LRRC37A2: variants seen among roughly 807,000 people sequenced by gnomAD.
LRRC37A2 encodes the protein leucine-rich repeat-containing protein 37A2.
A neutral mutation model predicts 68.8 loss-of-function variants in LRRC37A2; 9 were observed. That is an observed-to-expected ratio of 0.13 (90% CI 0.08 to 0.23). The LOEUF (loss-of-function observed/expected upper bound fraction) is 0.23. Ranked by LOEUF, LRRC37A2 falls within the 10% of genes least tolerant of loss-of-function variation. LRRC37A2 has a pLI of 1.00. For synonymous variants in LRRC37A2, 63 were observed against 367.6 expected, an observed-to-expected ratio of 0.17 and a Z score of 9.48; for missense variants, 168 against 950.4, an observed-to-expected ratio of 0.18 and a Z score of 10.82.
the LRRC37A2 span, among the ~76,000 whole-genome samples, chr17:46,795,252 C>A: frequency 6.6e-6 from 1 of 152,192 alleles, no homozygotes; most frequent in Non-Finnish European, 1.5e-5. Context: ...CTACCCCACA[C>A]CAGCGCATTC....
downstream of LRRC37A2, among the ~76,000 whole-genome samples, chr17:46,558,387 G>A (rs2057401034): frequency 9.4e-6 from 1 of 106,790 alleles, no homozygotes; most frequent in South Asian, 2.9e-4. Context: ...TTTTTTTTGT[G>A]TTTTGTTTGT....
chr17:46,504,867 TTTA>T, the LRRC37A2 span, among the ~76,000 whole-genome samples: 2 of 123,966 alleles, frequency 1.6e-5, no homozygotes, highest in Non-Finnish European at 3.3e-5. Flanking sequence ...AATACATTGA[TTTA>T]TTAATTAATA....
At chr17:47,045,250 T>C in the LRRC37A2 span, among the ~76,000 whole-genome samples, 1 of 140,802 alleles carries the variant, frequency 7.1e-6, no homozygotes, top group Non-Finnish European at 1.6e-5. Flanking sequence ...AGACTTCTTG[T>C]ATCCATGAAA....
the LRRC37A2 span, among the ~76,000 whole-genome samples, chr17:46,742,196 T>C: frequency 1.3e-5 from 2 of 152,238 alleles, no homozygotes; most frequent in Non-Finnish European, 2.9e-5. Context: ...GAAGCATACA[T>C]GCCGTTCATT....
chr17:46,873,184 C>A, the LRRC37A2 span, among the ~76,000 whole-genome samples: 1 of 151,934 alleles, frequency 6.6e-6, no homozygotes. Flanking sequence ...ATTCCAGGCC[C>A]GATGACACGA....
At chr17:47,015,183 T>G in the LRRC37A2 span, among the ~76,000 whole-genome samples, 4 of 151,970 alleles carry the variant, frequency 2.6e-5, no homozygotes, top group African/African-American at 9.7e-5. Flanking sequence ...AATTTTTGTA[T>G]TTTTAGTAGA....
the LRRC37A2 span, chr17:46,979,133 G>T: frequency 9.5e-7 from 1 of 1,056,920 alleles, no homozygotes; most frequent in Non-Finnish European, 1.2e-6. Context: ...AGGGGACGAA[G>T]GCGGGAGGCT....
At chr17:46,962,476 G>A in the LRRC37A2 span, among the ~76,000 whole-genome samples, 1 of 152,208 alleles carries the variant, frequency 6.6e-6, no homozygotes, top group African/African-American at 2.4e-5. Flanking sequence ...TAAACAGGAT[G>A]TGGCAGAAGA....
the LRRC37A2 span, among the ~76,000 whole-genome samples, chr17:46,861,380 G>A: frequency 3.9e-5 from 6 of 152,124 alleles, no homozygotes; most frequent in South Asian, 2.1e-4. Context: ...GGTGGGCAGC[G>A]TCCTCTCCCT....
At chr17:46,973,474 G>A in the LRRC37A2 span, among the ~76,000 whole-genome samples, 4 of 152,078 alleles carry the variant, frequency 2.6e-5, no homozygotes, top group South Asian at 2.1e-4. Context: ...CTGTTGCTTC[G>A]TTGTTGAAAA....
At chr17:46,716,636 A>G in the LRRC37A2 span, among the ~76,000 whole-genome samples, 1 of 152,214 alleles carries the variant, frequency 6.6e-6, no homozygotes, top group Non-Finnish European at 1.5e-5. Context: ...ATAGAGTTTT[A>G]TAATTCTGGA....
the LRRC37A2 span, among the ~76,000 whole-genome samples, chr17:46,777,764 C>T: frequency 1.3e-5 from 2 of 152,210 alleles, no homozygotes; most frequent in African/African-American, 4.8e-5. Flanking sequence ...AGTAGTTGGG[C>T]GACTTATGCA....
chr17:46,841,421 A>C, the LRRC37A2 span, among the ~76,000 whole-genome samples: 1 of 152,164 alleles, frequency 6.6e-6, no homozygotes, highest in Non-Finnish European at 1.5e-5. Context: ...ACCGAGTGAG[A>C]GTGAGAGTTC....
the LRRC37A2 span, among the ~76,000 whole-genome samples, chr17:46,960,493 C>G: frequency 6.6e-6 from 1 of 152,212 alleles, no homozygotes; most frequent in South Asian, 2.1e-4. Flanking sequence ...CCAGCAATCT[C>G]ATTTCTAGGT....
At chr17:46,744,696 A>C in the LRRC37A2 span, among the ~76,000 whole-genome samples, 1 of 152,160 alleles carries the variant, frequency 6.6e-6, no homozygotes, top group Non-Finnish European at 1.5e-5. Flanking sequence ...GGCAAGACCT[A>C]TGAAAGGGTG....
the LRRC37A2 span, among the ~76,000 whole-genome samples, chr17:46,977,261 A>G: frequency 6.6e-6 from 1 of 152,176 alleles, no homozygotes; most frequent in Admixed American, 6.5e-5. Flanking sequence ...CTTCCTCGTT[A>G]TTCTTCACTC....
the LRRC37A2 span, among the ~76,000 whole-genome samples, chr17:46,890,225 AC>A: frequency 6.6e-6 from 1 of 151,552 alleles, no homozygotes; most frequent in African/African-American, 2.4e-5. Context: ...AGAGCCCATT[AC>A]GTTCCTTCAT....
the LRRC37A2 span, chr17:46,948,567 C>A: frequency 6.6e-6 from 1 of 152,258 alleles, no homozygotes; most frequent in Non-Finnish European, 1.5e-5. Context: ...CTCTCCCAGC[C>A]TCAGTGTCCT....
chr17:46,941,502 TTTTA>T, the LRRC37A2 span: 2 of 790,814 alleles, frequency 2.5e-6, no homozygotes, highest in South Asian at 1.1e-4. Flanking sequence ...TGGGGAAGCT[TTTTA>T]AAATTACATA....
Sources: gnomAD v4.1 joint callset for allele counts (sites outside exome capture counted in the v4.1 genomes callset) on GRCh38, gnomAD v4.1.1 for gene constraint, MANE v1.5 for transcripts, NCBI Gene and HGNC (gene_info 2026-07-23, HGNC 2026-07-21) for gene names.